Variants in DNAH12 observed in about 807,000 individuals in gnomAD.
DNAH12 encodes axonemal beta dynein heavy chain 12.
A neutral mutation model predicts 371.5 loss-of-function variants in DNAH12; 285 were observed. The observed-to-expected ratio is 0.77, with a 90% confidence interval of 0.70 to 0.85. The LOEUF is 0.85. DNAH12 is among the 40% of genes least tolerant of loss of function. DNAH12 has a pLI of 0.00. For synonymous variants in DNAH12, 1,200 were observed against 1,213.0 expected, an observed-to-expected ratio of 0.99 and a Z score of 0.22; for missense variants, 3,611 against 3,689.4, an observed-to-expected ratio of 0.98 and a Z score of 0.55.
At chr3:57,302,536 T>TATATATATATAC (rs2107656425) in intron 69 of DNAH12, among the ~76,000 whole-genome samples, 1 of 46,088 alleles carries the variant, frequency 2.2e-5, no homozygotes, top group East Asian at 1.5e-3. Flanking sequence ...GGTGTATATA[T>TATATATATATAC]ATATATATAT....
At chr3:57,474,774 T>C (rs1412735660) in intron 13 of DNAH12, among the ~76,000 whole-genome samples, 1 of 152,050 alleles carries the variant, frequency 6.6e-6, no homozygotes, top group Non-Finnish European at 1.5e-5. Flanking sequence ...CTGGCCAACA[T>C]GGTGAAACCC....
intron 18 of DNAH12, 147 bp downstream of exon 18, chr3:57,462,543 C>A: frequency 1.1e-6 from 1 of 906,458 alleles, no homozygotes; most frequent in Non-Finnish European, 1.6e-6. Context: ...TGAGCTACCG[C>A]ACCCAGCCGG....
At chr3:57,294,066 C>G in intron 73 of DNAH12, 95 bp from the exon 74 acceptor site, 1 of 1,083,304 alleles carries the variant, frequency 9.2e-7, no homozygotes, top group Non-Finnish European at 1.2e-6. Flanking sequence ...ATGGCCAGAA[C>G]TAAATCTAAG....
At chr3:57,520,194 C>A (rs1206833957) in intron 4 of DNAH12, among the ~76,000 whole-genome samples, 1 of 151,798 alleles carries the variant, frequency 6.6e-6, no homozygotes, top group Non-Finnish European at 1.5e-5. Context: ...CTCACTGCAA[C>A]GTCTGCCTCC....
At chr3:57,397,441 T>C (rs1371601422) in intron 43 of DNAH12, among the ~76,000 whole-genome samples, 1 of 152,174 alleles carries the variant, frequency 6.6e-6, no homozygotes, top group Non-Finnish European at 1.5e-5. Context: ...AGAAGAAATA[T>C]AGTTGAACTT....
chr3:57,414,469 A>G (rs1040382959), intron 38 of DNAH12, among the ~76,000 whole-genome samples: 1 of 152,138 alleles, frequency 6.6e-6, no homozygotes, highest in Non-Finnish European at 1.5e-5. Flanking sequence ...GGTTTGGTGT[A>G]CAGATTATTT....
intron 69 of DNAH12, among the ~76,000 whole-genome samples, chr3:57,304,831 C>A (rs1212838349): frequency 1.3e-5 from 2 of 152,080 alleles, no homozygotes; most frequent in Non-Finnish European, 2.9e-5. Context: ...CTCTCCATGT[C>A]TCTACCCCTT....
intron 16 of DNAH12, 55 bp downstream of exon 16, chr3:57,470,388 T>C: frequency 6.9e-7 from 1 of 1,447,438 alleles, no homozygotes; most frequent in Non-Finnish European, 9.2e-7. Flanking sequence ...CAATTTATAT[T>C]TTACAAATTA....
intron 58 of DNAH12, among the ~76,000 whole-genome samples, chr3:57,362,137 G>C (rs1575503787): frequency 6.6e-6 from 1 of 151,918 alleles, no homozygotes; most frequent in African/African-American, 2.4e-5. Context: ...CCTTGCAATA[G>C]TTTGCTCAGA....
At chr3:57,453,486 A>G (rs1260995269) in intron 23 of DNAH12, 83 bp from the exon 24 acceptor site, 2 of 1,189,490 alleles carry the variant, frequency 1.7e-6, no homozygotes, top group Admixed American at 3.3e-5. Flanking sequence ...CTTTTATAAA[A>G]CAATTCTGAC....
intron 43 of DNAH12, among the ~76,000 whole-genome samples, chr3:57,396,854 T>TA (rs2063752479): frequency 6.6e-6 from 1 of 152,006 alleles, no homozygotes; most frequent in African/African-American, 2.4e-5. Flanking sequence ...CCGTCTCTAC[T>TA]AAAAATACAG....
intron 2 of DNAH12, among the ~76,000 whole-genome samples, chr3:57,533,585 C>T (rs73834585): frequency 6.0e-4 from 92 of 152,302 alleles, no homozygotes; most frequent in African/African-American, 2.1e-3. Context: ...GCCATGACCG[C>T]ATCCTTCCCT....
chr3:57,341,587 A>C (rs985824200), intron 60 of DNAH12, among the ~76,000 whole-genome samples: 3 of 152,126 alleles, frequency 2.0e-5, no homozygotes, highest in Non-Finnish European at 4.4e-5. Context: ...ACCAAAAAAC[A>C]ATGATTTTTT....
At chr3:57,381,466 T>A (rs2063389177) in intron 50 of DNAH12, among the ~76,000 whole-genome samples, 2 of 152,190 alleles carry the variant, frequency 1.3e-5, no homozygotes, top group African/African-American at 4.8e-5. Flanking sequence ...TATCCTGGAA[T>A]AATAATTATA....
At chr3:57,504,875 TTC>T (rs1252039507) in intron 8 of DNAH12, among the ~76,000 whole-genome samples, 7 of 152,102 alleles carry the variant, frequency 4.6e-5, no homozygotes, top group African/African-American at 1.7e-4. Context: ...CTCTTTTTTT[TTC>T]TTTTTTCTTT....
At chr3:57,445,851 A>G (rs553536473) in intron 27 of DNAH12, among the ~76,000 whole-genome samples, 180 bp downstream of exon 27, 95 of 152,092 alleles carry the variant, frequency 6.2e-4, no homozygotes, top group Admixed American at 1.6e-3. Context: ...AGCCAGGTGT[A>G]GTGGTGTGTG....
intron 43 of DNAH12, among the ~76,000 whole-genome samples, chr3:57,398,253 A>G (rs2063785089): frequency 1.3e-5 from 2 of 152,186 alleles, no homozygotes. Flanking sequence ...AACAAAACAA[A>G]AACAATAAAC....
At chr3:57,439,841 G>GAAA (rs397779871) in intron 29 of DNAH12, among the ~76,000 whole-genome samples, 2 of 150,614 alleles carry the variant, frequency 1.3e-5, no homozygotes. Context: ...AATTGAACAG[G>GAAA]AAAAAAAAAC....
At chr3:57,502,539 T>C in intron 9 of DNAH12, 60 bp from the exon 10 acceptor site, 1 of 1,483,450 alleles carries the variant, frequency 6.7e-7, no homozygotes. Context: ...ATAATTAATC[T>C]ATATGTAGAT....
Sources: allele counts gnomAD v4.1 joint callset (sites outside exome capture counted in the v4.1 genomes callset), GRCh38; gene constraint gnomAD v4.1.1; transcripts MANE v1.5; gene names NCBI Gene and HGNC (gene_info 2026-07-23, HGNC 2026-07-21).